SYT1: variants seen among roughly 807,000 people sequenced by gnomAD.
SYT1 encodes the protein synaptotagmin 1.
SYT1 carries 8 observed loss-of-function variants against 44.8 expected under a neutral mutation model. That is an observed-to-expected ratio of 0.18 (90% CI 0.10 to 0.32). The LOEUF is 0.32. Among genes scored for constraint, SYT1 ranks in the 10% least tolerant of loss-of-function variants. SYT1 has a pLI of 1.00. For missense variants in SYT1, 286 were observed against 509.3 expected (o/e 0.56, Z 4.22); for synonymous variants, 154 against 188.8 (o/e 0.82, Z 1.51).
chr12:79,340,880 C>T (rs1882341065), intron 8 of SYT1, among the ~76,000 whole-genome samples: 2 of 152,100 alleles, frequency 1.3e-5, no homozygotes, highest in African/African-American at 2.4e-5. Context: ...TTCACTTTTC[C>T]CTACTCTCCA....
intron 1 of SYT1, among the ~76,000 whole-genome samples, chr12:78,905,488 A>T (rs1461554863): frequency 6.6e-6 from 1 of 152,114 alleles, no homozygotes; most frequent in Non-Finnish European, 1.5e-5. Flanking sequence ...TTGAACACTC[A>T]CTAATATCAG....
intron 3 of SYT1, among the ~76,000 whole-genome samples, chr12:79,181,486 C>T (rs1365100860): frequency 6.6e-6 from 1 of 152,004 alleles, no homozygotes; most frequent in Non-Finnish European, 1.5e-5. Flanking sequence ...CCACTTTCTA[C>T]TCAAAATACA....
At chr12:78,894,151 C>A (rs1875211287) in intron 1 of SYT1, among the ~76,000 whole-genome samples, 1 of 151,030 alleles carries the variant, frequency 6.6e-6, no homozygotes, top group African/African-American at 2.4e-5. Context: ...CATTCTTTTT[C>A]TCTGCTTCAA....
In SYT1 at chr12:79,296,213, T is replaced by C. The variant is rs1417065934; in HGVS notation, c.619T>C (p.Phe207Leu). ...CCACCGAAAAACCCTTAATCCTGTC[T>C]TCAATGAGCAATTTACTTTCAAGGT... ...KVHRKTLNPV[F>L]NEQFTFKVPY... Residue 207 changes from phenylalanine (F) to leucine (L), a missense_variant, in exon 7 of 11, where the codon TTC becomes CTC. By Grantham distance (22) the Phe-to-Leu change is conservative. Transcript: ENST00000261205. The C allele has an allele frequency of 6.2e-7, 1 of 1,612,164 alleles. No individual in the cohort carries two copies. The highest frequency in any genetic ancestry group is 1.7e-5 in the Admixed American group (1 of 59,544).
At chr12:79,235,398 T>C (rs1592881885) in intron 4 of SYT1, among the ~76,000 whole-genome samples, 1 of 152,008 alleles carries the variant, frequency 6.6e-6, no homozygotes, top group East Asian at 1.9e-4. Context: ...CTGTAAAACT[T>C]CTAGAAGAAA....
At chr12:79,362,624 G>C (rs541072429) in intron 9 of SYT1, among the ~76,000 whole-genome samples, 1 of 152,116 alleles carries the variant, frequency 6.6e-6, no homozygotes, top group Non-Finnish European at 1.5e-5. Context: ...TGAAGGGGCC[G>C]TGTGTGAGGA....
At chr12:79,104,930 G>A (rs1878628562) in intron 3 of SYT1, among the ~76,000 whole-genome samples, 2 of 152,018 alleles carry the variant, frequency 1.3e-5, no homozygotes, top group South Asian at 4.2e-4. Flanking sequence ...TAGAGATTCC[G>A]AGATTGAAAC....
At chr12:79,374,217 A>C (rs1311278115) in intron 9 of SYT1, among the ~76,000 whole-genome samples, 1 of 152,192 alleles carries the variant, frequency 6.6e-6, no homozygotes, top group Non-Finnish European at 1.5e-5. Context: ...AAAATAAAGT[A>C]GAAACTCTGG....
At chr12:79,014,040 G>T (rs1023081777) in intron 2 of SYT1, among the ~76,000 whole-genome samples, 2 of 146,938 alleles carry the variant, frequency 1.4e-5, no homozygotes, top group Non-Finnish European at 3.0e-5. Flanking sequence ...CAGGAGAATC[G>T]CTTGAACCCA....
chr12:78,947,097 G>A (rs1878699371), intron 1 of SYT1, among the ~76,000 whole-genome samples: 1 of 152,122 alleles, frequency 6.6e-6, no homozygotes, highest in Admixed American at 6.5e-5. Flanking sequence ...TTGTGATACA[G>A]CATCACTTAA....
At chr12:79,006,378 G>A (rs1348007813) in intron 2 of SYT1, among the ~76,000 whole-genome samples, 1 of 151,998 alleles carries the variant, frequency 6.6e-6, no homozygotes, top group Non-Finnish European at 1.5e-5. Context: ...TGTAAGAAGT[G>A]GTTCCCATAA....
chr12:79,245,597 GAAAA>G (rs1310027326), intron 4 of SYT1, among the ~76,000 whole-genome samples: 3 of 148,936 alleles, frequency 2.0e-5, no homozygotes, highest in Admixed American at 2.0e-4. Flanking sequence ...GTGGCAAAAA[GAAAA>G]AAAAGAAAAA....
chr12:79,334,330 G>A (rs1881991601), intron 8 of SYT1, among the ~76,000 whole-genome samples: 1 of 152,056 alleles, frequency 6.6e-6, no homozygotes, highest in Non-Finnish European at 1.5e-5. Context: ...TTAAAACCCA[G>A]GACATATTTA....
intron 2 of SYT1, among the ~76,000 whole-genome samples, chr12:79,018,319 G>A (rs1178808034): frequency 7.2e-6 from 1 of 138,740 alleles, no homozygotes; most frequent in Admixed American, 7.5e-5. Flanking sequence ...ACAGGAAGGG[G>A]AACATCACAC....
At chr12:79,032,277 T>C (rs1177531831) in intron 2 of SYT1, among the ~76,000 whole-genome samples, 1 of 151,180 alleles carries the variant, frequency 6.6e-6, no homozygotes, top group African/African-American at 2.4e-5. Flanking sequence ...ATAGCATTTC[T>C]TGGGGAGCTT....
intron 1 of SYT1, among the ~76,000 whole-genome samples, chr12:78,878,562 A>G (rs971101735): frequency 1.3e-5 from 2 of 151,780 alleles, no homozygotes; most frequent in African/African-American, 2.4e-5. Flanking sequence ...TCAGTCATTC[A>G]TTAATCTACT....
At chr12:78,914,773 A>C (rs982003814) in intron 1 of SYT1, among the ~76,000 whole-genome samples, 4 of 152,026 alleles carry the variant, frequency 2.6e-5, no homozygotes, top group African/African-American at 9.7e-5. Context: ...TGAATTCAAG[A>C]ATATTATTTT....
chr12:79,136,819 G>A (rs958548835), intron 3 of SYT1, among the ~76,000 whole-genome samples: 1 of 151,920 alleles, frequency 6.6e-6, no homozygotes. Context: ...TAATTATAAT[G>A]GCAGTGATCA....
chr12:79,254,614 T>C (rs1273099369), intron 4 of SYT1, among the ~76,000 whole-genome samples: 2 of 152,202 alleles, frequency 1.3e-5, no homozygotes, highest in African/African-American at 4.8e-5. Context: ...CTGCTGTATA[T>C]AGTTATTCTT....
Sources: gnomAD v4.1 joint callset for allele counts (sites outside exome capture counted in the v4.1 genomes callset) on GRCh38, gnomAD v4.1.1 for gene constraint, MANE v1.5 for transcripts, NCBI Gene and HGNC (gene_info 2026-07-23, HGNC 2026-07-21) for gene names.